The following HMBOX1 variants were observed in gnomAD, a reference collection of about 807,000 sequenced individuals.
HMBOX1 encodes the protein homeobox containing 1.
HMBOX1 carries 14 observed loss-of-function variants against 54.5 expected under a neutral mutation model. That is an observed-to-expected ratio of 0.26 (90% CI 0.17 to 0.40). HMBOX1 has a LOEUF of 0.40. Ranked by LOEUF, HMBOX1 falls within the 10% of genes least tolerant of loss-of-function variation. The pLI is 1.00. For missense variants in HMBOX1, 332 were observed against 514.4 expected, an observed-to-expected ratio of 0.65 and a Z score of 3.43; for synonymous variants, 160 against 181.0, an observed-to-expected ratio of 0.88 and a Z score of 0.93.
chr8:28,990,738 T>A (rs1830863218), intron 4 of HMBOX1, among the ~76,000 whole-genome samples: 2 of 151,994 alleles, frequency 1.3e-5, no homozygotes, highest in African/African-American at 4.8e-5. Flanking sequence ...TCACTGCAAC[T>A]TCTGTCCTAG....
intron 3 of HMBOX1, among the ~76,000 whole-genome samples, chr8:28,975,698 C>T (rs1230288396): frequency 6.6e-6 from 1 of 152,078 alleles, no homozygotes; most frequent in East Asian, 1.9e-4. Flanking sequence ...TCAGCCCGCT[C>T]TTCACTTTAA....
At chr8:28,976,157 G>C (rs1828324579) in intron 3 of HMBOX1, among the ~76,000 whole-genome samples, 1 of 152,030 alleles carries the variant, frequency 6.6e-6, no homozygotes, top group Admixed American at 6.5e-5. Flanking sequence ...AAAGTACCTG[G>C]TACAGATGTT....
chr8:28,989,756 T>C (rs958837801), intron 4 of HMBOX1, among the ~76,000 whole-genome samples: 6 of 152,208 alleles, frequency 3.9e-5, no homozygotes, highest in Admixed American at 3.3e-4. Context: ...TGTAGTGAGA[T>C]TGGGATTGTG....
At chr8:29,012,843 T>C (rs1834387921) in intron 5 of HMBOX1, among the ~76,000 whole-genome samples, 1 of 152,196 alleles carries the variant, frequency 6.6e-6, no homozygotes, top group Non-Finnish European at 1.5e-5. Context: ...AGACCTGCTT[T>C]TGAGAAGCAG....
chr8:29,050,169 A>G (rs1806229855), intron 9 of HMBOX1: 4 of 911,604 alleles, frequency 4.4e-6, no homozygotes, highest in Non-Finnish European at 5.2e-6. Context: ...TAAGGGCAGC[A>G]CATTCCATGT....
chr8:28,927,831 C>CAAAAAAAAAAAAAAAAAAAAAAAA lies in HMBOX1; in HGVS notation c.-57-35979_-57-35956dup, dbSNP rs34952149. On this transcript the variant is annotated intron_variant, in intron 1 of 9. Coordinates refer to ENST00000287701, the MANE Select transcript of HMBOX1 (RefSeq NM_001135726.3). ...GGGCAACAAAAGCGAAACTCAGTCT[C>CAAAAAAAAAAAAAAAAAAAAAAAA]AAAAAAAAAAAAAAAAAAAAAAAAG... Among the ~76,000 whole-genome samples, 2 of 52,750 alleles carry CAAAAAAAAAAAAAAAAAAAAAAAA rather than the reference C, an allele frequency of 3.8e-5. 1 individual carries two copies. The highest frequency in any genetic ancestry group is 1.7e-4 in the African/African-American group (2 of 12,032). The allele number at this position is 52,750 out of a possible 152,430, so 34.6% of individuals were successfully genotyped here.
rs77360428 is a variant in HMBOX1 at position 28,921,720 on chromosome 8, A to C, written c.-58+31042A>C. Among the ~76,000 whole-genome samples, 83 of 152,338 alleles carry C rather than the reference A, an allele frequency of 5.4e-4. 2 individuals carry two copies. The East Asian group carries it at 0.013, about 25-fold the overall frequency. On this transcript the variant is annotated intron_variant, in intron 1 of 9. Transcript: ENST00000287701. Reference sequence around the variant, plus strand: ...ATACCATAAAACATGCTTATATTTAATTTTAAAAGACATAGGAAGCTTATA... The same window carrying C: ...ATACCATAAAACATGCTTATATTTACTTTTAAAAGACATAGGAAGCTTATA...
At chr8:28,952,388 C>T (rs982898161) in intron 1 of HMBOX1, among the ~76,000 whole-genome samples, 87 of 152,030 alleles carry the variant, frequency 5.7e-4, no homozygotes, top group African/African-American at 2.0e-3. Context: ...CCCCCACCAC[C>T]GCTTCCGGCT....
At chr8:28,950,167 G>A (rs1823157174) in intron 1 of HMBOX1, among the ~76,000 whole-genome samples, 1 of 152,138 alleles carries the variant, frequency 6.6e-6, no homozygotes, top group Non-Finnish European at 1.5e-5. Flanking sequence ...ATATGGCATT[G>A]CATCATGAGA....
chr8:29,046,113 T>C (rs1396737626), intron 7 of HMBOX1, among the ~76,000 whole-genome samples: 5 of 152,270 alleles, frequency 3.3e-5, no homozygotes, highest in Non-Finnish European at 5.9e-5. Context: ...GGCCAGTTAT[T>C]TTGATTGGCC....
chr8:29,026,043 T>TACACACACACACACACAC (rs35597688), intron 6 of HMBOX1, among the ~76,000 whole-genome samples: 1 of 143,482 alleles, frequency 7.0e-6, no homozygotes, highest in Non-Finnish European at 1.5e-5. Flanking sequence ...TGCTACCATG[T>TACACACACACACACACAC]ACACACACAC....
At chr8:28,989,914 T>G (rs1830732907) in intron 4 of HMBOX1, among the ~76,000 whole-genome samples, 2 of 152,180 alleles carry the variant, frequency 1.3e-5, no homozygotes, top group African/African-American at 2.4e-5. Context: ...GTACACGTTT[T>G]GTACACATAA....
intron 4 of HMBOX1, among the ~76,000 whole-genome samples, chr8:28,990,996 A>T (rs975647812): frequency 3.3e-5 from 5 of 152,178 alleles, no homozygotes; most frequent in Non-Finnish European, 5.9e-5. Flanking sequence ...TGTTATCATA[A>T]TAACGTTGGC....
At chr8:28,963,507 A>G (rs1825948434) in intron 1 of HMBOX1, among the ~76,000 whole-genome samples, 2 of 152,176 alleles carry the variant, frequency 1.3e-5, no homozygotes, top group South Asian at 4.1e-4. Flanking sequence ...CTAATTTATA[A>G]TCTTAGAGTT....
At chr8:29,023,497 G>A (rs1251807524) in intron 6 of HMBOX1, among the ~76,000 whole-genome samples, 2 of 152,090 alleles carry the variant, frequency 1.3e-5, no homozygotes, top group African/African-American at 4.8e-5. Context: ...CAACCTCCTG[G>A]GCTCAGGTCT....
chr8:28,918,059 A>T (rs561986811), intron 1 of HMBOX1, among the ~76,000 whole-genome samples: 1 of 152,294 alleles, frequency 6.6e-6, no homozygotes, highest in South Asian at 2.1e-4. Flanking sequence ...GAAGAGACTG[A>T]GTAGGATTGC....
At chr8:29,003,552 T>TATATATA (rs1158987680) in intron 4 of HMBOX1, among the ~76,000 whole-genome samples, 2 of 15,666 alleles carry the variant, frequency 1.3e-4, no homozygotes, top group Admixed American at 1.9e-3. Flanking sequence ...TTTTTCTGTA[T>TATATATA]TAAATATATA....
In HMBOX1 at chr8:29,048,959, G is replaced by A; in HGVS notation, c.1036G>A (p.Ala346Thr). The A allele has an allele frequency of 6.3e-7, 1 of 1,598,644 alleles. No homozygotes were observed. Among genetic ancestry groups the A allele is most frequent in the Non-Finnish European group, 8.5e-7 (1 of 1,170,442 alleles). ...TCTATTTGCTTTTTTCGAAGAAGCA[G>A]CAATCCTGGAGAGTCATGGGATAGA... Reference protein sequence around the residue: ...EIKRRANIEAAILESHGIDVQ... With the variant: ...EIKRRANIEATILESHGIDVQ... Residue 346 changes from alanine to threonine, a missense_variant, in exon 9 of 10, where the codon GCA becomes ACA. Physicochemically the swap from Ala to Thr is moderately conservative, Grantham distance 58. Coordinates refer to ENST00000287701, the MANE Select transcript of HMBOX1 (RefSeq NM_001135726.3).
At chr8:29,038,146 A>G (rs1262318099) in intron 6 of HMBOX1, among the ~76,000 whole-genome samples, 2 of 152,160 alleles carry the variant, frequency 1.3e-5, no homozygotes, top group Non-Finnish European at 2.9e-5. Flanking sequence ...TGCAATTTTT[A>G]TAGACTTCAG....
Sources: gnomAD v4.1 joint callset for allele counts (sites outside exome capture counted in the v4.1 genomes callset) on GRCh38, gnomAD v4.1.1 for gene constraint, MANE v1.5 for transcripts, NCBI Gene and HGNC (gene_info 2026-07-23, HGNC 2026-07-21) for gene names.